HLCS: variants seen among roughly 807,000 people sequenced by gnomAD.
The protein encoded by HLCS is holocarboxylase synthetase, also known as biotin--protein ligase.
A neutral mutation model predicts 75.0 loss-of-function variants in HLCS; 53 were observed. The ratio of observed to expected loss-of-function variants is 0.71; its 90% CI spans 0.57 to 0.89. The LOEUF (loss-of-function observed/expected upper bound fraction) is 0.89. HLCS is among the 40% of genes least tolerant of loss of function. HLCS has a pLI of 0.00. For synonymous variants in HLCS, 431 were observed against 428.6 expected (o/e 1.01, Z -0.07); for missense variants, 966 against 1,074.0 (o/e 0.90, Z 1.41).
intron 6 of HLCS, among the ~76,000 whole-genome samples, chr21:36,849,878 T>A (rs1433176629): frequency 1.3e-5 from 2 of 152,260 alleles, no homozygotes; most frequent in East Asian, 1.9e-4. Context: ...AAAAGATGCA[T>A]GAGCTCACTT....
At chr21:36,813,422 G>A (rs1391576288) in intron 6 of HLCS, among the ~76,000 whole-genome samples, 2 of 152,222 alleles carry the variant, frequency 1.3e-5, no homozygotes, top group Non-Finnish European at 2.9e-5. Flanking sequence ...TTTTTCAAAT[G>A]AGTCCTGAAA....
intron 6 of HLCS, among the ~76,000 whole-genome samples, chr21:36,815,269 T>C (rs1455540855): frequency 1.3e-5 from 2 of 152,126 alleles, no homozygotes; most frequent in Non-Finnish European, 2.9e-5. Flanking sequence ...CCTCAAATGA[T>C]CCACCTGCCT....
rs193049944 is a variant in HLCS at position 36,794,045 on chromosome 21, T to C, written c.1893-26760A>G. 2.6e-5 allele frequency among the ~76,000 whole-genome samples: 4 copies of C among 152,304 alleles called. No homozygotes were observed. The East Asian group carries it at 7.7e-4, about 29-fold the overall frequency. On this transcript the variant is annotated intron_variant, in intron 6 of 10. Transcript: ENST00000674895. ...GCTTCTACTAAGGACGAGCTACGGG[T>C]GTGACTGGGTTACGCTTGGCTCATT...
rs1441979578 is a variant in HLCS at position 36,892,459 on chromosome 21, C to T, written c.1892+4401G>A. 3.3e-5 allele frequency among the ~76,000 whole-genome samples: 5 copies of T among 152,326 alleles called. No individual in the cohort carries two copies. In the South Asian group the frequency reaches 8.3e-4, roughly 25 times the overall value. The stretch of plus-strand genomic sequence containing the variant: ...CACATGGTGTGCTGGGGGCAGAGAG[C>T]TCGTCTGTTTCAGCTAACAGATTGC... On this transcript the variant is annotated intron_variant, in intron 6 of 10. Coordinates refer to ENST00000674895, the MANE Select transcript of HLCS (RefSeq NM_001352514.2).
chr21:36,941,403 T>C (rs2067135928), intron 2 of HLCS, among the ~76,000 whole-genome samples: 1 of 152,202 alleles, frequency 6.6e-6, no homozygotes, highest in Non-Finnish European at 1.5e-5. Flanking sequence ...TCTTGGGCAG[T>C]TCTTTCTAGC....
intron 2 of HLCS, among the ~76,000 whole-genome samples, chr21:36,960,599 T>C (rs897524126): frequency 2.0e-5 from 3 of 152,234 alleles, no homozygotes; most frequent in Admixed American, 6.5e-5. Flanking sequence ...TGGTTCACCC[T>C]GAATTCCAGT....
chr21:36,978,738 G>A (rs1022036503), intron 1 of HLCS, among the ~76,000 whole-genome samples: 4 of 152,130 alleles, frequency 2.6e-5, no homozygotes, highest in African/African-American at 7.2e-5. Flanking sequence ...TGTAGCAGAC[G>A]CCTTGGGAAT....
intron 6 of HLCS, chr21:36,851,959 C>G (rs1412487465): frequency 6.6e-6 from 1 of 152,388 alleles, no homozygotes; most frequent in South Asian, 2.1e-4. Flanking sequence ...CGATCACGGA[C>G]GCTAAGCGGG....
intron 6 of HLCS, among the ~76,000 whole-genome samples, chr21:36,788,721 A>G (rs1251194226): frequency 6.6e-6 from 1 of 152,210 alleles, no homozygotes; most frequent in African/African-American, 2.4e-5. Context: ...TGAAGTTATA[A>G]AAACTCAAAG....
intron 2 of HLCS, among the ~76,000 whole-genome samples, chr21:36,946,649 A>G (rs563819586): frequency 6.6e-6 from 1 of 152,312 alleles, no homozygotes; most frequent in East Asian, 1.9e-4. Context: ...AAACTTGAGA[A>G]ACATTGCGTT....
intron 5 of HLCS, among the ~76,000 whole-genome samples, chr21:36,911,820 A>C (rs2065727874): frequency 6.6e-6 from 1 of 151,020 alleles, no homozygotes; most frequent in South Asian, 2.1e-4. Flanking sequence ...TGTACTCCCA[A>C]CACTTTGGGA....
intron 6 of HLCS, among the ~76,000 whole-genome samples, chr21:36,791,237 A>C (rs984540972): frequency 1.3e-5 from 2 of 152,132 alleles, no homozygotes; most frequent in Non-Finnish European, 1.5e-5. Context: ...CCCACATAGG[A>C]TGTCCGGGGC....
intron 6 of HLCS, among the ~76,000 whole-genome samples, chr21:36,869,315 G>A (rs1468886047): frequency 3.3e-5 from 5 of 151,882 alleles, no homozygotes; most frequent in African/African-American, 9.7e-5. Flanking sequence ...TGTATTTTTC[G>A]TAGAGACAGG....
intron 6 of HLCS, among the ~76,000 whole-genome samples, chr21:36,793,295 C>CTTTTTTTCTTTTT (rs2060927425): frequency 2.6e-5 from 3 of 116,262 alleles, no homozygotes; most frequent in Non-Finnish European, 3.6e-5. Context: ...AGGAAGCAGT[C>CTTTTTTTCTTTTT]TTTTTTTTTT....
chr21:36,929,950 A>G (rs1316767752), intron 5 of HLCS, among the ~76,000 whole-genome samples: 3 of 152,234 alleles, frequency 2.0e-5, no homozygotes, highest in African/African-American at 7.2e-5. Flanking sequence ...TTCAATCCCA[A>G]ATGAATAAAG....
intron 2 of HLCS, among the ~76,000 whole-genome samples, chr21:36,955,069 C>A (rs541484700): frequency 5.3e-5 from 8 of 152,170 alleles, no homozygotes; most frequent in South Asian, 2.1e-4. Context: ...TCAAAAAAAA[C>A]CCAACAAAAC....
At position 36,947,947 on chromosome 21, in the gene HLCS, C is replaced by T. The variant is rs1028721442; in HGVS notation, c.331-8953G>A. On this transcript the variant is annotated intron_variant, in intron 2 of 10. Transcript: ENST00000674895. ...AATTCAACGTGAAATTGTTAAAAAG[C>T]TCTAGTAACAAATTGGATGGAGCAA... 7.1e-6 allele frequency: 7 copies of T among 985,190 alleles called. No homozygotes were observed. The African/African-American group carries it at 1.2e-4, about 17-fold the overall frequency. The allele number at this position is 985,190 out of a possible 1,614,324, so 61.0% of individuals were successfully genotyped here. A position where few individuals can be genotyped will look rare whatever the true frequency, so the allele number is the denominator to read the frequency against.
At chr21:36,844,131 G>A (rs1317363553) in intron 6 of HLCS, among the ~76,000 whole-genome samples, 2 of 152,144 alleles carry the variant, frequency 1.3e-5, no homozygotes, top group African/African-American at 4.8e-5. Context: ...TCTCTCCGGT[G>A]CAGCACAGGG....
intron 6 of HLCS, among the ~76,000 whole-genome samples, chr21:36,847,065 T>C (rs2062823838): frequency 1.3e-5 from 2 of 152,176 alleles, no homozygotes. Context: ...ATCTCTCCTT[T>C]TGTAAATAGA....
Sources: gnomAD v4.1 joint callset for allele counts (sites outside exome capture counted in the v4.1 genomes callset) on GRCh38, gnomAD v4.1.1 for gene constraint, MANE v1.5 for transcripts, NCBI Gene and HGNC (gene_info 2026-07-23, HGNC 2026-07-21) for gene names.